Variants in GSE1 observed in about 807,000 individuals in gnomAD.
The protein encoded by GSE1 is Gse1 coiled-coil protein.
In GSE1, 32 loss-of-function variants were observed where a neutral mutation model predicts 112.6. That is an observed-to-expected ratio of 0.28 (90% confidence interval 0.21 to 0.38). The LOEUF (loss-of-function observed/expected upper bound fraction) is 0.38, where lower values mean the gene tolerates loss of function less well. GSE1 is among the 10% of genes least tolerant of loss of function. The pLI, the probability that GSE1 is intolerant of heterozygous loss-of-function variation, is 1.00. For synonymous variants in GSE1, 1,115 were observed against 735.6 expected (o/e 1.52, Z -8.35); for missense variants, 2,348 against 1,699.2 (o/e 1.38, Z -6.71).
chr16:85,417,898 G>A (rs7205373), intron 2 of GSE1, among the ~76,000 whole-genome samples: 4,333 of 152,298 alleles, frequency 0.028, 216 homozygotes, highest in African/African-American at 0.097. Flanking sequence ...GGAGGGCAGG[G>A]GCTCGATCTC....
chr16:85,656,635 C>T lies in GSE1; in HGVS notation c.1282C>T (p.Pro428Ser), dbSNP rs962891888. 6.5e-7 allele frequency: 1 copy of T among 1,535,030 alleles called. No homozygotes were observed. The change falls in exon 7 of 16, where the codon CCC (proline) becomes TCC (serine). Residue 428 changes from proline to serine, a missense_variant. Physicochemically the swap from Pro to Ser is moderately conservative, Grantham distance 74. Coordinates refer to ENST00000253458, the MANE Select transcript of GSE1 (RefSeq NM_014615.5). ...RGHATEERGKPSEQLTPTRAE... is the reference protein window; with the variant it reads ...RGHATEERGKSSEQLTPTRAE... ...CCATGCCACTGAGGAGCGGGGCAAG[C>T]CCTCGGAGCAGCTGACCCCAACCCG...
chr16:85,236,777 A>G (rs967295663), intron 1 of GSE1, among the ~76,000 whole-genome samples: 2 of 152,108 alleles, frequency 1.3e-5, no homozygotes, highest in African/African-American at 4.8e-5. Context: ...ATGAGGGAAC[A>G]ACTCCTGCTG....
At chr16:85,418,994 G>A (rs946698925) in intron 2 of GSE1, among the ~76,000 whole-genome samples, 2 of 152,144 alleles carry the variant, frequency 1.3e-5, no homozygotes, top group Non-Finnish European at 2.9e-5. Context: ...CTGGAGCTCC[G>A]TCCTGGCCAT....
At chr16:85,369,016 G>A (rs1440575458) in intron 2 of GSE1, among the ~76,000 whole-genome samples, 3 of 152,174 alleles carry the variant, frequency 2.0e-5, no homozygotes, top group Admixed American at 1.3e-4. Flanking sequence ...GCTGTAAGAA[G>A]TCACCGTGGA....
At chr16:85,350,128 C>T (rs1248274855) in intron 1 of GSE1, among the ~76,000 whole-genome samples, 2 of 152,174 alleles carry the variant, frequency 1.3e-5, no homozygotes, top group Admixed American at 6.5e-5. Context: ...GGCAGGTGCT[C>T]AGCTGGCACC....
chr16:85,395,900 G>A (rs1257250919), intron 2 of GSE1, among the ~76,000 whole-genome samples: 1 of 152,020 alleles, frequency 6.6e-6, no homozygotes, highest in Non-Finnish European at 1.5e-5. Flanking sequence ...CCGCAGAAGG[G>A]CTGCGTGAGG....
intron 1 of GSE1, among the ~76,000 whole-genome samples, chr16:85,252,157 C>T (rs919788201): frequency 6.6e-6 from 1 of 151,544 alleles, no homozygotes; most frequent in African/African-American, 2.4e-5. Flanking sequence ...TGAGTAGATG[C>T]TCAGTAAACA....
At position 85,210,586 on chromosome 16, in the gene GSE1, C is replaced by T. The variant is rs111643690; in HGVS notation, c.2283+38779C>T. Reference sequence around the variant, plus strand: ...CCTGGGCAACAGAGTGAGACCTTGTCTTAAAAAAAAAACACCCCAGTGATG... The same window carrying T: ...CCTGGGCAACAGAGTGAGACCTTGTTTTAAAAAAAAAACACCCCAGTGATG... On this transcript the variant is annotated intron_variant, in intron 1 of 2. Coordinates refer to the GSE1 transcript ENST00000637419. Among the ~76,000 whole-genome samples, 4 of 151,722 alleles carry T rather than the reference C, an allele frequency of 2.6e-5. No homozygotes were observed. The South Asian group carries it at 8.3e-4, about 32-fold the overall frequency.
intron 1 of GSE1, among the ~76,000 whole-genome samples, chr16:85,193,358 G>A (rs1245808884): frequency 6.6e-6 from 1 of 151,992 alleles, no homozygotes; most frequent in African/African-American, 2.4e-5. Context: ...TTATTTTTTT[G>A]TAGAGGCAGG....
intron 1 of GSE1, among the ~76,000 whole-genome samples, chr16:85,246,420 CA>C (rs1466277530): frequency 7.4e-5 from 10 of 134,772 alleles, no homozygotes; most frequent in South Asian, 5.2e-4. Flanking sequence ...CACACACACA[CA>C]CCCCATGCTC....
At chr16:85,234,942 C>A (rs1904439255) in intron 1 of GSE1, among the ~76,000 whole-genome samples, 1 of 152,106 alleles carries the variant, frequency 6.6e-6, no homozygotes, top group African/African-American at 2.4e-5. Context: ...GGGGGTTGCC[C>A]TGGGCCCCGC....
intron 2 of GSE1, among the ~76,000 whole-genome samples, chr16:85,429,051 C>T (rs1263689112): frequency 3.9e-5 from 6 of 152,196 alleles, no homozygotes; most frequent in African/African-American, 1.4e-4. Context: ...ATACATGGGG[C>T]GCCTACAGCT....
chr16:85,609,987 T>C (rs2047894687), upstream of GSE1, among the ~76,000 whole-genome samples: 2 of 152,228 alleles, frequency 1.3e-5, no homozygotes, highest in South Asian at 4.1e-4. Flanking sequence ...ATCTCTTTTG[T>C]GGTGCAGGTC....
intron 1 of GSE1, among the ~76,000 whole-genome samples, chr16:85,348,406 G>A (rs116712694): frequency 0.054 from 8,171 of 152,192 alleles, 708 homozygotes; most frequent in African/African-American, 0.18. Flanking sequence ...CCACCTTTGC[G>A]GAGGAGGAAG....
At chr16:85,640,140 A>G (rs1453492531) in intron 2 of GSE1, among the ~76,000 whole-genome samples, 2 of 152,132 alleles carry the variant, frequency 1.3e-5, no homozygotes, top group South Asian at 4.1e-4. Flanking sequence ...AGCACCACCC[A>G]TGGTGCAGGG....
At chr16:85,645,834 A>C (rs1470461391) in intron 2 of GSE1, among the ~76,000 whole-genome samples, 1 of 151,944 alleles carries the variant, frequency 6.6e-6, no homozygotes, top group Non-Finnish European at 1.5e-5. Context: ...TGCTTCTACC[A>C]CGCTTCCTAT....
intron 2 of GSE1, among the ~76,000 whole-genome samples, chr16:85,481,215 C>T (rs764159565): frequency 5.3e-5 from 8 of 152,378 alleles, no homozygotes; most frequent in African/African-American, 1.9e-4. Flanking sequence ...TGTAGCCACT[C>T]TGTGCCTCAG....
chr16:85,661,251 G>A lies in GSE1; in HGVS notation c.1746G>A (p.Thr582=), dbSNP rs374247613. The change falls in exon 9 of 16, where the codon ACG becomes ACA. Residue 582 remains threonine (T), a synonymous_variant. Coordinates refer to ENST00000253458, the MANE Select transcript of GSE1 (RefSeq NM_014615.5). ...SPKPQLHAAP[T]ALWNPVSLMD... ...AGCCCCAGCTCCATGCTGCACCCACGGCCCTCTGGAACCCCGTGTCCCTGA... is the reference window on the plus strand; with the variant it reads ...AGCCCCAGCTCCATGCTGCACCCACAGCCCTCTGGAACCCCGTGTCCCTGA... 24 of 1,612,824 alleles carry A rather than the reference G, an allele frequency of 1.5e-5. No homozygotes were observed. The highest frequency in any genetic ancestry group is 1.3e-4 in the Admixed American group (8 of 60,006).
intron 1 of GSE1, among the ~76,000 whole-genome samples, chr16:85,310,557 A>C (rs1597363232): frequency 1.7e-5 from 2 of 115,664 alleles, no homozygotes; most frequent in African/African-American, 3.4e-5. Context: ...AGATCCTGTC[A>C]CCTGCCCACT....
Sources: gnomAD v4.1 joint callset for allele counts (sites outside exome capture counted in the v4.1 genomes callset) on GRCh38, gnomAD v4.1.1 for gene constraint, MANE v1.5 for transcripts, NCBI Gene and HGNC (gene_info 2026-07-23, HGNC 2026-07-21) for gene names.